Variants in MIA2 observed in about 807,000 individuals in gnomAD.
The protein encoded by MIA2 is MIA SH3 domain ER export factor 2.
A neutral mutation model predicts 167.8 loss-of-function variants in MIA2; 127 were observed. The ratio of observed to expected loss-of-function variants is 0.76; its 90% confidence interval spans 0.66 to 0.88. The LOEUF (loss-of-function observed/expected upper bound fraction) is 0.88, where lower values mean the gene tolerates loss of function less well. Among genes scored for constraint, MIA2 ranks in the 40% least tolerant of loss-of-function variants. The pLI is 0.00. For synonymous variants in MIA2, 552 were observed against 541.9 expected (o/e 1.02, Z -0.26); for missense variants, 1,690 against 1,624.7 (o/e 1.04, Z -0.69).
chr14:39,288,550 C>T (rs527525855), intron 9 of MIA2, among the ~76,000 whole-genome samples: 1 of 145,728 alleles, frequency 6.9e-6, no homozygotes, highest in East Asian at 2.0e-4. Context: ...TCTCAGCACA[C>T]TGCAACCTCC....
chr14:39,241,811 C>T (rs537392896), intron 3 of MIA2, among the ~76,000 whole-genome samples: 1 of 152,344 alleles, frequency 6.6e-6, no homozygotes, highest in African/African-American at 2.4e-5. Context: ...CTTACCCTGG[C>T]TTCGCATTCC....
chr14:39,357,644 G>A (rs916357286), intron 23 of MIA2, among the ~76,000 whole-genome samples: 15 of 152,148 alleles, frequency 9.9e-5, no homozygotes, highest in African/African-American at 1.2e-4. Flanking sequence ...TTTCTTCCTA[G>A]CCTCGATGGT....
intron 6 of MIA2, chr14:39,267,089 G>A: frequency 1.8e-6 from 2 of 1,106,238 alleles, no homozygotes; most frequent in East Asian, 7.3e-5. Context: ...CGTCTGCGAA[G>A]CTTGCGCGAA....
At chr14:39,380,372 A>G (rs73283423) in intron 23 of MIA2, among the ~76,000 whole-genome samples, 11,998 of 152,218 alleles carry the variant, frequency 0.079, 1,626 homozygotes, top group African/African-American at 0.27. Context: ...CTCAAAATAT[A>G]GAGAGAAAGT....
intron 18 of MIA2, among the ~76,000 whole-genome samples, chr14:39,309,407 T>A (rs1392753188): frequency 6.6e-6 from 1 of 152,230 alleles, no homozygotes; most frequent in African/African-American, 2.4e-5. Context: ...TTATTCATGT[T>A]CTTTTTCCTC....
At chr14:39,357,874 A>G (rs1294704962) in intron 23 of MIA2, among the ~76,000 whole-genome samples, 2 of 85,074 alleles carry the variant, frequency 2.4e-5, no homozygotes, top group Non-Finnish European at 4.2e-5. Context: ...AATGTTGAAT[A>G]TTGGCCCGCA....
At chr14:39,297,612 A>G (rs2061600632) in intron 13 of MIA2, among the ~76,000 whole-genome samples, 1 of 151,290 alleles carries the variant, frequency 6.6e-6, no homozygotes, top group Non-Finnish European at 1.5e-5. Context: ...ACCTGGATAG[A>G]TGTCCCAGAG....
intron 9 of MIA2, among the ~76,000 whole-genome samples, chr14:39,290,239 A>G (rs146261706): frequency 3.1e-3 from 474 of 152,270 alleles, no homozygotes; most frequent in Non-Finnish European, 5.1e-3. Context: ...AGAAATGTCA[A>G]ATACTAGACT....
chr14:39,302,108 TCCCC>T lies in MIA2; in HGVS notation c.2620-20_2620-17del, dbSNP rs1396957459. The stretch of plus-strand genomic sequence containing the variant: ...CATAAGGCATTACCCTCTCTATTTT[TCCCC>T]TTTGTTCAATGTCAAGACTCTGACT... On this transcript the variant is annotated splice_polypyrimidine_tract_variant and intron_variant, in intron 14 of 28. Transcript: ENST00000640607. 6.2e-7 allele frequency: 1 copy of T among 1,610,160 alleles called. No homozygotes were observed. Among genetic ancestry groups the T allele is most frequent in the Non-Finnish European group, 8.5e-7 (1 of 1,177,814 alleles).
chr14:39,245,678 G>A lies in MIA2; in HGVS notation c.337-1233G>A, dbSNP rs1705085178. 2.0e-5 allele frequency among the ~76,000 whole-genome samples: 3 copies of A among 150,460 alleles called. No homozygotes were observed. The South Asian group carries it at 6.3e-4, about 32-fold the overall frequency. On this transcript the variant is annotated intron_variant, in intron 3 of 28. Coordinates refer to ENST00000640607, the MANE Select transcript of MIA2 (RefSeq NM_001329214.4). ...TCTTCTTGATGCAACATCTCATACT[G>A]GAAGGCAAGATGGGGAGAAAGCGAG...
chr14:39,379,132 G>A (rs2075102829), intron 23 of MIA2, among the ~76,000 whole-genome samples: 1 of 151,688 alleles, frequency 6.6e-6, no homozygotes, highest in East Asian at 1.9e-4. Context: ...CCTTTTTATA[G>A]TCTTTTATAA....
At chr14:39,309,016 G>T (rs1286024926) in intron 18 of MIA2, among the ~76,000 whole-genome samples, 1 of 152,104 alleles carries the variant, frequency 6.6e-6, no homozygotes, top group East Asian at 1.9e-4. Flanking sequence ...GTTACTTAGG[G>T]TGGCACCTCA....
chr14:39,379,841 C>T (rs570620134), intron 23 of MIA2, among the ~76,000 whole-genome samples: 1 of 152,018 alleles, frequency 6.6e-6, no homozygotes, highest in Admixed American at 6.6e-5. Context: ...CAGAGCAAGA[C>T]TATGTCTCAA....
intron 6 of MIA2, chr14:39,267,417 A>C (rs376780966): frequency 1.2e-6 from 2 of 1,608,766 alleles, no homozygotes; most frequent in African/African-American, 1.3e-5. Context: ...TGGCCCCGAC[A>C]GGCCGGGGTT....
rs372701837 is a variant in MIA2, at chr14:39,362,455, T to C, written c.2248+13478T>C. 1.4e-4 allele frequency among the ~76,000 whole-genome samples: 22 copies of C among 152,254 alleles called. No individual in the cohort carries two copies. The East Asian group carries it at 1.9e-3, about 13-fold the overall frequency. Reference sequence around the variant, plus strand: ...TAGGAATTTATCCATTTCCTCTAGGTTTTTTCAGTTTGTTAGCATGTTGTT... The same window carrying C: ...TAGGAATTTATCCATTTCCTCTAGGCTTTTTCAGTTTGTTAGCATGTTGTT... On this transcript the variant is annotated intron_variant, in intron 23 of 23. Coordinates refer to the MIA2 transcript ENST00000341502.
At chr14:39,252,292 A>G (rs2054615662) in intron 4 of MIA2, among the ~76,000 whole-genome samples, 1 of 152,188 alleles carries the variant, frequency 6.6e-6, no homozygotes, top group African/African-American at 2.4e-5. Context: ...TAATATAATT[A>G]CAAGGCTACT....
chr14:39,277,756 A>T (rs868803284), intron 7 of MIA2, among the ~76,000 whole-genome samples: 2 of 21,586 alleles, frequency 9.3e-5, no homozygotes, highest in African/African-American at 3.9e-4. Flanking sequence ...GTGTATATAT[A>T]TATATATATA....
chr14:39,301,593 T>C (rs1379891661), intron 14 of MIA2, among the ~76,000 whole-genome samples: 1 of 152,242 alleles, frequency 6.6e-6, no homozygotes, highest in Non-Finnish European at 1.5e-5. Flanking sequence ...ACACGTCATT[T>C]GATTATCTGT....
intron 24 of MIA2, among the ~76,000 whole-genome samples, chr14:39,321,622 C>T (rs967614461): frequency 1.3e-5 from 2 of 151,418 alleles, no homozygotes; most frequent in Admixed American, 6.6e-5. Flanking sequence ...AGCCTGATAA[C>T]GTATCTTTTT....
Sources: gnomAD v4.1 joint callset for allele counts (sites outside exome capture counted in the v4.1 genomes callset) on GRCh38, gnomAD v4.1.1 for gene constraint, MANE v1.5 for transcripts, NCBI Gene and HGNC (gene_info 2026-07-23, HGNC 2026-07-21) for gene names.